ARSG: variants seen among roughly 807,000 people sequenced by gnomAD.
The protein encoded by ARSG is ASG.
ARSG carries 37 observed loss-of-function variants against 50.5 expected under a neutral mutation model. The ratio of observed to expected loss-of-function variants is 0.73; its 90% CI spans 0.56 to 0.96. The LOEUF (loss-of-function observed/expected upper bound fraction) is 0.96. Among genes scored for constraint, ARSG ranks in the 50% least tolerant of loss-of-function variants. The pLI, the probability that ARSG is intolerant of heterozygous loss-of-function variation, is 0.00. For synonymous variants in ARSG, 225 were observed against 254.6 expected (o/e 0.88, Z 1.11); for missense variants, 629 against 675.3 (o/e 0.93, Z 0.76).
intron 2 of ARSG, among the ~76,000 whole-genome samples, chr17:68,342,394 C>A (rs1050168495): frequency 2.0e-5 from 3 of 148,048 alleles, no homozygotes; most frequent in African/African-American, 7.5e-5. Context: ...TGCTCTGTCA[C>A]CCAGGCTGGA....
In ARSG at chr17:68,335,470, C is replaced by T. The variant is rs368994399; in HGVS notation, c.219-8134C>T. On this transcript the variant is annotated intron_variant, in intron 2 of 11. Transcript: ENST00000621439. ...TCGGGAGGCTGAGACAGGAGAATGG[C>T]GTGAACCCAGGAGGCGGAGCTTGCA... Among the ~76,000 whole-genome samples, 46 of 150,456 alleles carry T rather than the reference C, an allele frequency of 3.1e-4. 1 individual carries two copies. The East Asian group carries it at 7.7e-3, about 25-fold the overall frequency.
chr17:68,401,960 G>A (rs751067118), intron 11 of ARSG, among the ~76,000 whole-genome samples: 5 of 152,104 alleles, frequency 3.3e-5, no homozygotes, highest in Admixed American at 1.3e-4. Flanking sequence ...TCTTCCAATG[G>A]CTTCTTGCTG....
intron 8 of ARSG, among the ~76,000 whole-genome samples, chr17:68,374,390 TC>T (rs1197074355): frequency 6.6e-6 from 1 of 151,956 alleles, no homozygotes; most frequent in Non-Finnish European, 1.5e-5. Context: ...GGGGGAAGGA[TC>T]TGTAAGTAAG....
At chr17:68,450,710 A>G in the ARSG span, 1 of 1,598,918 alleles carries the variant, frequency 6.3e-7, no homozygotes, top group Non-Finnish European at 8.5e-7. Context: ...TGAAACCCTG[A>G]GGGATTTCCC....
At chr17:68,324,013 C>T (rs576766470) in intron 2 of ARSG, among the ~76,000 whole-genome samples, 2 of 139,666 alleles carry the variant, frequency 1.4e-5, no homozygotes, top group East Asian at 4.1e-4. Flanking sequence ...GTGGAGGTTG[C>T]AGTGAGCTGA....
At chr17:68,352,707 G>T (rs1412466825) in intron 5 of ARSG, among the ~76,000 whole-genome samples, 1 of 151,860 alleles carries the variant, frequency 6.6e-6, no homozygotes, top group Admixed American at 6.6e-5. Flanking sequence ...ACGGGGTTTC[G>T]CCATGTTGGC....
chr17:68,370,298 G>A, intron 7 of ARSG, 146 bp from the exon 8 acceptor site: 1 of 605,436 alleles, frequency 1.7e-6, no homozygotes, highest in Non-Finnish European at 2.8e-6. Context: ...ACAAGCGTGA[G>A]CCACTGCACT....
At position 68,385,144 on chromosome 17, in the gene ARSG, G is replaced by A; in HGVS notation, c.1063G>A (p.Val355Ile). 6.2e-7 allele frequency: 1 copy of A among 1,614,040 alleles called. No individual in the cohort carries two copies. The highest frequency in any genetic ancestry group is 8.5e-7 in the Non-Finnish European group (1 of 1,179,964). ...GGCTTACTGGCCTGGCAGAGTTCCA[G>A]TTAATGTCACCAGCACTGCCTTGTT... ...ALAYWPGRVP[V>I]NVTSTALLSV... Residue 355 changes from valine to isoleucine, a missense_variant, in exon 9 of 12, where the codon GTT becomes ATT. Coordinates refer to ENST00000621439, the MANE Select transcript of ARSG (RefSeq NM_001267727.2).
At chr17:68,266,277 C>T (rs546141537) in intron 1 of ARSG, among the ~76,000 whole-genome samples, 2 of 150,642 alleles carry the variant, frequency 1.3e-5, no homozygotes, top group African/African-American at 2.4e-5. Flanking sequence ...TTAATACTTC[C>T]CTTGAATTAT....
the ARSG span, chr17:68,436,480 C>T: frequency 6.2e-7 from 1 of 1,613,682 alleles, no homozygotes; most frequent in South Asian, 1.1e-5. Context: ...GCACATAGAC[C>T]TGGCAAAGAA....
chr17:68,426,242 T>TGGGGGGGGGG (rs754701731), downstream of ARSG: 143 of 682,648 alleles, frequency 2.1e-4, 35 homozygotes, highest in South Asian at 5.1e-4. Flanking sequence ...ACCTGGCGGG[T>TGGGGGGGGGG]GGGGAGCGGG....
chr17:68,343,776 G>T lies in ARSG; in HGVS notation c.391G>T (p.Val131Phe). The T allele has an allele frequency of 1.2e-6, 2 of 1,613,070 alleles. No individual in the cohort carries two copies. Among genetic ancestry groups the T allele is most frequent in the Non-Finnish European group, 1.7e-6 (2 of 1,179,318 alleles). ...LAEVLQQAGYVTGIIGKWHLG... is the reference protein window; with the variant it reads ...LAEVLQQAGYFTGIIGKWHLG... The stretch of plus-strand genomic sequence containing the variant: ...AGAGGTGCTGCAGCAGGCGGGTTAC[G>T]TCACTGGGATAATAGGTAACTCTGG... The change falls in exon 3 of 12, where the codon GTC becomes TTC. Residue 131 changes from valine to phenylalanine, a missense_variant. Physicochemically the swap from Val to Phe is conservative, Grantham distance 50 (BLOSUM62 -1). Transcript: ENST00000621439.
the ARSG span, among the ~76,000 whole-genome samples, chr17:68,437,615 T>C: frequency 6.6e-6 from 1 of 150,620 alleles, no homozygotes; most frequent in Non-Finnish European, 1.5e-5. Flanking sequence ...ATAAGGGAAA[T>C]GGGTACCTCC....
intron 1 of ARSG, among the ~76,000 whole-genome samples, chr17:68,299,631 AT>A (rs1568435176): frequency 6.6e-6 from 1 of 152,172 alleles, no homozygotes. Flanking sequence ...AAACACCGTA[AT>A]TTATTTACAA....
chr17:68,426,127 T>C (rs754257298), downstream of ARSG: 6 of 1,612,312 alleles, frequency 3.7e-6, no homozygotes, highest in African/African-American at 1.3e-5. Flanking sequence ...CGCAAACTCA[T>C]GTTCAGGAAT....
At chr17:68,418,959 TTTAA>T (rs1245092367) in intron 11 of ARSG, among the ~76,000 whole-genome samples, 2 of 151,990 alleles carry the variant, frequency 1.3e-5, no homozygotes, top group African/African-American at 4.8e-5. Context: ...CCTTTGTTTA[TTTAA>T]TTATGTCATA....
the ARSG span, among the ~76,000 whole-genome samples, chr17:68,433,760 GTTTTTTTTTTTTTTTTT>G: frequency 2.9e-3 from 212 of 72,794 alleles, 2 homozygotes; most frequent in East Asian, 0.027. Context: ...AAGGGTCATA[GTTTTTTTTTTTTTTTTT>G]TTTTTTTTTT....
intron 10 of ARSG, among the ~76,000 whole-genome samples, chr17:68,398,223 T>C (rs72841866): frequency 0.031 from 4,703 of 152,348 alleles, 222 homozygotes; most frequent in East Asian, 0.19. Flanking sequence ...TACATATGCA[T>C]GCTTATGTTT....
chr17:68,288,282 G>C (rs1382398525), upstream of ARSG, among the ~76,000 whole-genome samples: 2 of 152,140 alleles, frequency 1.3e-5, no homozygotes, highest in African/African-American at 4.8e-5. Flanking sequence ...TTACAGGCGT[G>C]AGCCACTGTG....
Sources: gnomAD v4.1 joint callset for allele counts (sites outside exome capture counted in the v4.1 genomes callset) on GRCh38, gnomAD v4.1.1 for gene constraint, MANE v1.5 for transcripts, NCBI Gene and HGNC (gene_info 2026-07-23, HGNC 2026-07-21) for gene names.